The following SEMA6A variants were observed in gnomAD, a reference collection of about 807,000 sequenced individuals.
SEMA6A encodes the protein semaphorin-6A.
SEMA6A carries 25 observed loss-of-function variants against 96.8 expected under a neutral mutation model. The ratio of observed to expected loss-of-function variants is 0.26; its 90% CI spans 0.19 to 0.36. The LOEUF (loss-of-function observed/expected upper bound fraction) is 0.36. Among genes scored for constraint, SEMA6A ranks in the 10% least tolerant of loss-of-function variants. The probability of loss-of-function intolerance (pLI) is 1.00; values close to 1 mark genes in which losing one functional copy is unlikely to be tolerated. For synonymous variants in SEMA6A, 612 were observed against 518.0 expected, an observed-to-expected ratio of 1.18 and a Z score of -2.46; for missense variants, 1,363 against 1,323.1, an observed-to-expected ratio of 1.03 and a Z score of -0.47.
rs148618106 is a variant in SEMA6A, at chr5:116,548,710, A to T, written c.-39+25475T>A. 5.3e-3 allele frequency among the ~76,000 whole-genome samples: 814 copies of T among 152,350 alleles called. 4 individuals are homozygous for T. Among genetic ancestry groups the T allele is most frequent in the African/African-American group, 0.019 (785 of 41,580 alleles). On this transcript the variant is annotated intron_variant, in intron 1 of 18. Coordinates refer to ENST00000343348, the MANE Select transcript of SEMA6A (RefSeq NM_020796.5). ...GACCAAGTCAACAGAAGAGATAAGA[A>T]GACAACCTTATTCTCTCTGCCTGGA...
intron 1 of SEMA6A, among the ~76,000 whole-genome samples, chr5:116,511,166 T>C (rs568841012): frequency 1.3e-5 from 2 of 152,346 alleles, no homozygotes; most frequent in South Asian, 4.1e-4. Flanking sequence ...GATATAGTTT[T>C]TGTATGTAAC....
At chr5:116,467,880 TTAGTGGTGGTGGTGG>T (rs1266625227) in intron 17 of SEMA6A, 133 bp from the exon 18 acceptor site, 1 of 730,898 alleles carries the variant, frequency 1.4e-6, no homozygotes, top group African/African-American at 2.4e-5. Context: ...ATGACACGGC[TTAGTGGTGGTGGTGG>T]TGGTGGTGGT....
chr5:116,474,402 A>T (rs1440314131), intron 16 of SEMA6A, among the ~76,000 whole-genome samples: 1 of 152,134 alleles, frequency 6.6e-6, no homozygotes, highest in Non-Finnish European at 1.5e-5. Context: ...CCTGATACGG[A>T]TGAACGCACA....
At chr5:116,534,334 G>A (rs766668815) in intron 1 of SEMA6A, among the ~76,000 whole-genome samples, 18 of 152,260 alleles carry the variant, frequency 1.2e-4, no homozygotes, top group Middle Eastern at 3.4e-3. Context: ...CACCTTCAGT[G>A]CTTCCCACTG....
intron 18 of SEMA6A, among the ~76,000 whole-genome samples, chr5:116,457,740 C>T (rs1417152607): frequency 2.0e-5 from 3 of 152,034 alleles, no homozygotes; most frequent in Non-Finnish European, 4.4e-5. Flanking sequence ...TACTTCAGGG[C>T]GTTTCCACAA....
intron 2 of SEMA6A, among the ~76,000 whole-genome samples, chr5:116,504,025 A>C (rs1055268133): frequency 3.9e-5 from 6 of 152,182 alleles, no homozygotes; most frequent in Non-Finnish European, 8.8e-5. Context: ...ATTTTCTTCC[A>C]ACCCAGAAAG....
chr5:116,514,434 T>C (rs934695889), intron 1 of SEMA6A, among the ~76,000 whole-genome samples: 1 of 152,236 alleles, frequency 6.6e-6, no homozygotes. Context: ...GAGAAGTGTC[T>C]GTTCATGTCC....
chr5:116,559,323 C>G (rs1027834114), intron 1 of SEMA6A, among the ~76,000 whole-genome samples: 1 of 152,188 alleles, frequency 6.6e-6, no homozygotes, highest in African/African-American at 2.4e-5. Context: ...GTCCGCAAGG[C>G]CTGGTGCGTC....
intron 1 of SEMA6A, among the ~76,000 whole-genome samples, chr5:116,533,775 CA>C (rs1229700908): frequency 6.6e-6 from 1 of 152,162 alleles, no homozygotes; most frequent in Non-Finnish European, 1.5e-5. Flanking sequence ...AGGGGACAAA[CA>C]AAGGTCCTGG....
chr5:116,531,227 A>C (rs1180684406), intron 1 of SEMA6A, among the ~76,000 whole-genome samples: 3 of 152,286 alleles, frequency 2.0e-5, no homozygotes, highest in African/African-American at 7.2e-5. Flanking sequence ...TCCAGAGTAG[A>C]GAAAAGGGGT....
At chr5:116,485,655 A>G (rs1039448698) in intron 10 of SEMA6A, among the ~76,000 whole-genome samples, 1 of 152,128 alleles carries the variant, frequency 6.6e-6, no homozygotes, top group Non-Finnish European at 1.5e-5. Flanking sequence ...CTTTAGTTTT[A>G]TCATTTTGGT....
intron 11 of SEMA6A, among the ~76,000 whole-genome samples, chr5:116,481,823 C>A (rs1436015428): frequency 6.6e-6 from 1 of 152,118 alleles, no homozygotes; most frequent in Non-Finnish European, 1.5e-5. Context: ...TGGGTTGCCT[C>A]TGGACCATAG....
chr5:116,448,770 A>AAAAC (rs1754442077), intron 18 of SEMA6A, among the ~76,000 whole-genome samples: 1 of 151,628 alleles, frequency 6.6e-6, no homozygotes, highest in Non-Finnish European at 1.5e-5. Flanking sequence ...AAAAAAAAAA[A>AAAAC]AAAAAACAGT....
chr5:116,553,057 C>T (rs1447057287), intron 1 of SEMA6A, among the ~76,000 whole-genome samples: 4 of 152,086 alleles, frequency 2.6e-5, no homozygotes, highest in Non-Finnish European at 5.9e-5. Context: ...AAAAGCAAAC[C>T]GCTTAGAAAA....
intron 3 of SEMA6A, among the ~76,000 whole-genome samples, chr5:116,500,308 G>T (rs905683689): frequency 1.3e-5 from 2 of 152,148 alleles, no homozygotes; most frequent in African/African-American, 2.4e-5. Context: ...AGACCATCCT[G>T]GTTCAAATCC....
chr5:116,447,108 A>G lies in SEMA6A; in HGVS notation c.2598T>C (p.His866=), dbSNP rs1380059326. The part of the protein sequence containing the change: ...KEHLSSKSPN[H]GVNLVENLDS... ...CCAGGTTCTCCACAAGGTTCACCCC[A>G]TGGTTGGGACTCTTGCTGCTGAGAT... The change falls in exon 19 of 19, where the codon CAT becomes CAC. Residue 866 remains histidine (H), a synonymous_variant. Transcript: ENST00000343348. 9 of 1,613,732 alleles carry G rather than the reference A, an allele frequency of 5.6e-6. No individual in the cohort carries two copies. In the Admixed American group the frequency reaches 8.3e-5, roughly 15 times the overall value.
intron 1 of SEMA6A, among the ~76,000 whole-genome samples, chr5:116,526,945 T>C (rs1759255647): frequency 6.6e-6 from 1 of 152,184 alleles, no homozygotes; most frequent in Non-Finnish European, 1.5e-5. Flanking sequence ...TAAGTGCATA[T>C]AATGCCCAGC....
intron 16 of SEMA6A, among the ~76,000 whole-genome samples, chr5:116,474,450 A>G (rs771134512): frequency 7.9e-5 from 12 of 152,212 alleles, no homozygotes; most frequent in Non-Finnish European, 1.8e-4. Flanking sequence ...CACTTCTCCT[A>G]TGCTTATTTA....
At chr5:116,455,581 G>A (rs1018086128) in intron 18 of SEMA6A, among the ~76,000 whole-genome samples, 1 of 152,098 alleles carries the variant, frequency 6.6e-6, no homozygotes, top group African/African-American at 2.4e-5. Flanking sequence ...TGGAGAAGTG[G>A]ACCTCCTTAA....
Sources: gnomAD v4.1 joint callset for allele counts (sites outside exome capture counted in the v4.1 genomes callset) on GRCh38, gnomAD v4.1.1 for gene constraint, MANE v1.5 for transcripts, NCBI Gene and HGNC (gene_info 2026-07-23, HGNC 2026-07-21) for gene names.